Variants in TMPRSS11E observed in about 807,000 individuals in gnomAD.
TMPRSS11E encodes transmembrane protease serine 11E.
Under a neutral mutation model 48.1 loss-of-function variants are expected in TMPRSS11E, and 38 were observed. The observed-to-expected ratio is 0.79, with a 90% CI of 0.61 to 1.04. The LOEUF (loss-of-function observed/expected upper bound fraction) is 1.04, where lower values mean the gene tolerates loss of function less well. Among genes scored for constraint, TMPRSS11E ranks in the 50% least tolerant of loss-of-function variants. The pLI is 0.00. For synonymous variants in TMPRSS11E, 158 were observed against 171.9 expected (o/e 0.92, Z 0.63); for missense variants, 530 against 510.8 (o/e 1.04, Z -0.36).
chr4:68,484,400 G>A (rs1729494831), intron 9 of TMPRSS11E, among the ~76,000 whole-genome samples: 2 of 152,022 alleles, frequency 1.3e-5, no homozygotes, highest in Non-Finnish European at 2.9e-5. Context: ...TTGAACTCCT[G>A]GGCTCAAGCG....
At chr4:68,449,960 G>T (rs1034638267) in intron 1 of TMPRSS11E, among the ~76,000 whole-genome samples, 2 of 151,776 alleles carry the variant, frequency 1.3e-5, no homozygotes, top group Non-Finnish European at 1.5e-5. Context: ...GGAGAACATA[G>T]ACATTTTTTG....
chr4:68,477,268 A>C, intron 7 of TMPRSS11E, 101 bp from the exon 8 acceptor site: 1 of 1,239,140 alleles, frequency 8.1e-7, no homozygotes, highest in African/African-American at 1.5e-5. Context: ...AAACTATAAA[A>C]AGAAAAAAAA....
chr4:68,457,689 T>G (rs1340195278), intron 1 of TMPRSS11E, among the ~76,000 whole-genome samples: 1 of 151,776 alleles, frequency 6.6e-6, no homozygotes, highest in East Asian at 1.9e-4. Context: ...TCTCATTTCT[T>G]CTTCAATGAT....
Position 68,476,272 on chromosome 4 carries a change from C to T in TMPRSS11E, c.541C>T (p.Arg181Ter), listed in dbSNP as rs1401014106. 53 of 1,614,024 alleles carry T rather than the reference C, an allele frequency of 3.3e-5. No individual in the cohort carries two copies. Among genetic ancestry groups the T allele is most frequent in the Admixed American group, 6.7e-5 (4 of 60,022 alleles). ...TCTCTCTTTTGCAGGCTGCGGAACA[C>T]GAAGAAGTAAAACTCTAGGTCAGAG... ...DSYLNHCCGT[R>*]RSKTLGQSLR... is the part of the protein sequence containing the mutation. Residue 181 changes from arginine (R) to a stop codon, truncating the protein, a stop_gained, in exon 7 of 10, where the codon CGA becomes TGA. Coordinates refer to ENST00000305363, the MANE Select transcript of TMPRSS11E (RefSeq NM_014058.4). LOFTEE classifies it high-confidence loss of function.
At chr4:68,453,988 T>G (rs1728562975) in intron 1 of TMPRSS11E, among the ~76,000 whole-genome samples, 1 of 151,886 alleles carries the variant, frequency 6.6e-6, no homozygotes, top group South Asian at 2.1e-4. Context: ...AAATAGAGAC[T>G]CCATTGGAAA....
At chr4:68,485,032 AG>A (rs1729513405) in intron 9 of TMPRSS11E, among the ~76,000 whole-genome samples, 1 of 152,238 alleles carries the variant, frequency 6.6e-6, no homozygotes, top group Admixed American at 6.5e-5. Context: ...TCTGGTTCAC[AG>A]GGGAATGCTT....
At chr4:68,474,403 C>T (rs1729153788) in intron 5 of TMPRSS11E, among the ~76,000 whole-genome samples, 1 of 152,084 alleles carries the variant, frequency 6.6e-6, no homozygotes, top group Admixed American at 6.6e-5. Context: ...GGACTCTCTG[C>T]ATCTTATTTA....
intron 6 of TMPRSS11E, among the ~76,000 whole-genome samples, chr4:68,475,448 G>A (rs1012386609): frequency 1.3e-5 from 2 of 151,856 alleles, no homozygotes; most frequent in African/African-American, 4.8e-5. Flanking sequence ...TCATATAGTT[G>A]GTTAATTTCT....
intron 2 of TMPRSS11E, 139 bp from the exon 3 acceptor site, chr4:68,466,492 G>T: frequency 1.2e-6 from 1 of 800,068 alleles, no homozygotes; most frequent in Non-Finnish European, 2.0e-6. Context: ...ATGAGGCCTG[G>T]GGCAGGATGA....
chr4:68,466,615 G>T lies in TMPRSS11E; in HGVS notation c.137-16G>T, dbSNP rs1728932850. The T allele has an allele frequency of 6.2e-7, 1 of 1,609,230 alleles. No individual in the cohort carries two copies. The highest frequency in any genetic ancestry group is 8.5e-7 in the Non-Finnish European group (1 of 1,178,106). On this transcript the variant is annotated splice_polypyrimidine_tract_variant and intron_variant, in intron 2 of 9. Coordinates refer to ENST00000305363, the MANE Select transcript of TMPRSS11E (RefSeq NM_014058.4). Reference sequence around the variant, plus strand: ...CTGATAAAAATTATGATAGTGTTTTGCTTCTTTCCTTGTAGATCAAAAGAA... The same window carrying T: ...CTGATAAAAATTATGATAGTGTTTTTCTTCTTTCCTTGTAGATCAAAAGAA...
At chr4:68,460,097 G>A (rs1002340731) in intron 1 of TMPRSS11E, among the ~76,000 whole-genome samples, 7 of 152,084 alleles carry the variant, frequency 4.6e-5, no homozygotes, top group African/African-American at 1.7e-4. Context: ...ACGGCCCCGT[G>A]GAAAAATCAC....
intron 9 of TMPRSS11E, among the ~76,000 whole-genome samples, chr4:68,490,751 C>CTTTTTTT (rs1158277585): frequency 1.0e-4 from 7 of 69,324 alleles, no homozygotes; most frequent in Non-Finnish European, 1.7e-4. Flanking sequence ...TCAGCATATT[C>CTTTTTTT]TTTTTTTTTT....
At chr4:68,456,180 A>G (rs1728623527) in intron 1 of TMPRSS11E, among the ~76,000 whole-genome samples, 1 of 151,994 alleles carries the variant, frequency 6.6e-6, no homozygotes, top group African/African-American at 2.4e-5. Flanking sequence ...TATTGATATC[A>G]TATGCAATCT....
chr4:68,460,817 C>T (rs907964544), intron 1 of TMPRSS11E, among the ~76,000 whole-genome samples: 2 of 151,522 alleles, frequency 1.3e-5, no homozygotes, highest in Non-Finnish European at 2.9e-5. Context: ...TTTTCAGTAA[C>T]ATGTATTTTT....
intron 1 of TMPRSS11E, among the ~76,000 whole-genome samples, chr4:68,454,780 T>C (rs1728584231): frequency 6.6e-6 from 1 of 151,940 alleles, no homozygotes; most frequent in African/African-American, 2.4e-5. Context: ...GTGGCCCAAC[T>C]GTCACATTCA....
At position 68,477,713 on chromosome 4, in the gene TMPRSS11E, T is replaced by C. The variant is rs144709325; in HGVS notation, c.967+85T>C. The C allele has an allele frequency of 2.3e-3, 3,455 of 1,511,970 alleles. 7 individuals carry two copies. Among genetic ancestry groups the C allele is most frequent in the Non-Finnish European group, 2.8e-3 (3,043 of 1,105,676 alleles). The allele number at this position is 1,511,970 out of a possible 1,614,324, so 93.7% of individuals were successfully genotyped here. A position where few individuals can be genotyped will look rare whatever the true frequency, so the allele number is the denominator to read the frequency against. ...AATGAAATGCCATTATGCCAAAATA[T>C]GTTAGTTGTGTGGTCATATGACCTG... On this transcript the variant is annotated intron_variant, in intron 8 of 9. Coordinates refer to ENST00000305363, the MANE Select transcript of TMPRSS11E (RefSeq NM_014058.4).
At chr4:68,476,686 G>A (rs1469222934) in intron 7 of TMPRSS11E, among the ~76,000 whole-genome samples, 1 of 152,122 alleles carries the variant, frequency 6.6e-6, no homozygotes, top group Non-Finnish European at 1.5e-5. Context: ...AAGAAAGCAG[G>A]AATTTTAAAG....
Position 68,450,638 on chromosome 4 carries a change from G to T in TMPRSS11E, c.11+3115G>T, listed in dbSNP as rs975977428. Among the ~76,000 whole-genome samples, 3 of 151,912 alleles carry T rather than the reference G, an allele frequency of 2.0e-5. No homozygotes were observed. In the South Asian group the frequency reaches 6.2e-4, roughly 31 times the overall value. On this transcript the variant is annotated intron_variant, in intron 1 of 9. Coordinates refer to ENST00000305363, the MANE Select transcript of TMPRSS11E (RefSeq NM_014058.4). ...GATGTAAAGACTAATATGAAATCAT[G>T]CACATTTATGCTGAGGAAAGAAGTG... is the stretch of plus-strand genomic sequence containing the variant.
At chr4:68,451,489 T>C (rs1426712587) in intron 1 of TMPRSS11E, among the ~76,000 whole-genome samples, 1 of 151,856 alleles carries the variant, frequency 6.6e-6, no homozygotes, top group Admixed American at 6.6e-5. Context: ...TCTAAGATGA[T>C]AGAACTAATC....
Sources: gnomAD v4.1 joint callset for allele counts (sites outside exome capture counted in the v4.1 genomes callset) on GRCh38, gnomAD v4.1.1 for gene constraint, MANE v1.5 for transcripts, NCBI Gene and HGNC (gene_info 2026-07-23, HGNC 2026-07-21) for gene names.